PCDHA3: variants seen among roughly 807,000 people sequenced by gnomAD.
PCDHA3 encodes the protein protocadherin alpha-3.
Under a neutral mutation model 62.2 loss-of-function variants are expected in PCDHA3, and 41 were observed. The observed-to-expected ratio is 0.66, with a 90% CI of 0.51 to 0.86. PCDHA3 has a LOEUF of 0.86. Among genes scored for constraint, PCDHA3 ranks in the 40% least tolerant of loss-of-function variants. PCDHA3 has a pLI of 0.00. For missense variants in PCDHA3, 1,304 were observed against 1,241.2 expected (o/e 1.05, Z -0.76); for synonymous variants, 640 against 555.4 (o/e 1.15, Z -2.14).
At chr5:140,803,625 CTTTG>C in intron 1 of PCDHA3, 34 bp downstream of exon 1, 5 of 1,613,858 alleles carry the variant, frequency 3.1e-6, no homozygotes, top group Non-Finnish European at 4.2e-6. Flanking sequence ...TCCAAAATGT[CTTTG>C]TTTTTCATTC....
At position 140,854,083 on chromosome 5, in the gene PCDHA3, G is replaced by T. The variant is rs545797216; in HGVS notation, c.2394+50492G>T. 8.5e-5 allele frequency: 23 copies of T among 269,910 alleles called. No individual in the cohort carries two copies. The East Asian group carries it at 3.2e-3, about 37-fold the overall frequency. The allele number at this position is 269,910 out of a possible 1,614,324, so 16.7% of individuals were successfully genotyped here. ...AGGCTGAGGCGAGAGAATCGCTTGA[G>T]CCTGGGACATTGAGGCTGCAGTGAA... On this transcript the variant is annotated intron_variant, in intron 1 of 3. Transcript: ENST00000522353.
chr5:140,957,763 T>C (rs1375605810), intron 1 of PCDHA3, among the ~76,000 whole-genome samples: 1 of 152,100 alleles, frequency 6.6e-6, no homozygotes, highest in Non-Finnish European at 1.5e-5. Context: ...TCATTATATA[T>C]GTTAAGTAAA....
chr5:140,921,002 C>T (rs909094860), intron 1 of PCDHA3, among the ~76,000 whole-genome samples: 4 of 151,934 alleles, frequency 2.6e-5, no homozygotes, highest in Admixed American at 6.6e-5. Context: ...TTTTCAGAGT[C>T]AGGGTCTTGC....
At chr5:140,937,378 G>A (rs1248709474) in intron 1 of PCDHA3, among the ~76,000 whole-genome samples, 2 of 152,248 alleles carry the variant, frequency 1.3e-5, no homozygotes, top group East Asian at 1.9e-4. Context: ...GTTTATGTGT[G>A]TGTATGTGTA....
chr5:140,822,701 A>G, intron 1 of PCDHA3: 6 of 1,610,678 alleles, frequency 3.7e-6, no homozygotes, highest in Non-Finnish European at 5.1e-6. Flanking sequence ...GAACTGGATT[A>G]TGAAGACTAT....
intron 1 of PCDHA3, among the ~76,000 whole-genome samples, chr5:140,920,560 C>T (rs1288031450): frequency 1.3e-5 from 2 of 152,168 alleles, no homozygotes; most frequent in Non-Finnish European, 2.9e-5. Flanking sequence ...AAGTGTGGCC[C>T]TTAGGCCAGG....
intron 1 of PCDHA3, among the ~76,000 whole-genome samples, chr5:140,976,481 G>A (rs549195125): frequency 6.6e-6 from 1 of 152,160 alleles, no homozygotes; most frequent in South Asian, 2.1e-4. Flanking sequence ...AATCCGGGAG[G>A]CAGAGGTTGC....
At chr5:140,884,046 A>G (rs781965939) in intron 1 of PCDHA3, 6 of 1,613,474 alleles carry the variant, frequency 3.7e-6, no homozygotes, top group Non-Finnish European at 5.1e-6. Flanking sequence ...GTGGTGGCGA[A>G]GGTGCGCGCG....
intron 1 of PCDHA3, among the ~76,000 whole-genome samples, chr5:140,892,977 G>A (rs188368199): frequency 1.8e-4 from 27 of 152,270 alleles, no homozygotes; most frequent in Admixed American, 6.5e-4. Flanking sequence ...TTTTGTAGCT[G>A]CCGTATAAGT....
In PCDHA3 at chr5:140,857,043, A is replaced by T. The variant is rs201811819; in HGVS notation, c.2394+53452A>T. Reference sequence around the variant, plus strand: ...AAGGGAAACCCACCTATGGTTGGTCACTGCACGGTCCTAGTGGAACTACTG... The same window carrying T: ...AAGGGAAACCCACCTATGGTTGGTCTCTGCACGGTCCTAGTGGAACTACTG... On this transcript the variant is annotated intron_variant, in intron 1 of 3. Transcript: ENST00000522353. 81 of 1,595,818 alleles carry T rather than the reference A, an allele frequency of 5.1e-5. 4 individuals carry two copies. The highest frequency in any genetic ancestry group is 1.5e-5 in the Non-Finnish European group (18 of 1,165,582).
chr5:140,851,332 C>T (rs2042029710), intron 1 of PCDHA3: 1 of 971,624 alleles, frequency 1.0e-6, no homozygotes, highest in Non-Finnish European at 1.3e-6. Context: ...GTTTGTAGTT[C>T]TCTACATTTC....
At chr5:140,876,705 C>A (rs369536692) in intron 1 of PCDHA3, 2 of 1,614,122 alleles carry the variant, frequency 1.2e-6, no homozygotes, top group Non-Finnish European at 1.7e-6. Context: ...TGCTGGACAG[C>A]GCCCTGGACC....
chr5:140,877,815 A>T (rs782076422), intron 1 of PCDHA3: 21 of 1,609,380 alleles, frequency 1.3e-5, no homozygotes, highest in Non-Finnish European at 1.7e-5. Context: ...TGTCTCGAGA[A>T]GATTGTTTAA....
intron 1 of PCDHA3, among the ~76,000 whole-genome samples, chr5:140,973,960 T>C (rs2096609185): frequency 6.6e-6 from 1 of 152,248 alleles, no homozygotes; most frequent in African/African-American, 2.4e-5. Flanking sequence ...TTTACAGGTG[T>C]CTTTAAATGT....
intron 1 of PCDHA3, among the ~76,000 whole-genome samples, chr5:140,914,220 C>A (rs1210445622): frequency 6.6e-6 from 1 of 152,212 alleles, no homozygotes; most frequent in South Asian, 2.1e-4. Flanking sequence ...TCTCTTTTAG[C>A]TCTAATACTA....
intron 1 of PCDHA3, among the ~76,000 whole-genome samples, chr5:140,962,103 T>C (rs1401131367): frequency 1.3e-5 from 2 of 152,020 alleles, no homozygotes; most frequent in African/African-American, 4.8e-5. Flanking sequence ...GCCAGGATGG[T>C]CTCGATCTCC....
chr5:140,912,322 G>A (rs1050946341), intron 1 of PCDHA3, among the ~76,000 whole-genome samples: 10 of 149,938 alleles, frequency 6.7e-5, no homozygotes, highest in African/African-American at 1.7e-4. Flanking sequence ...TTGACCCTCA[G>A]TATTAACCAG....
At chr5:140,822,892 G>T (rs2150120154) in intron 1 of PCDHA3, 2 of 1,614,212 alleles carry the variant, frequency 1.2e-6, no homozygotes, top group East Asian at 4.5e-5. Flanking sequence ...TCTGATCAGC[G>T]TGTCTGACCG....
chr5:140,807,373 C>T (rs781951265), intron 1 of PCDHA3: 3 of 1,607,262 alleles, frequency 1.9e-6, no homozygotes, highest in Non-Finnish European at 2.5e-6. Context: ...TGGTGCCGCG[C>T]CTGTTCCGGG....
Sources: gnomAD v4.1 joint callset for allele counts (sites outside exome capture counted in the v4.1 genomes callset) on GRCh38, gnomAD v4.1.1 for gene constraint, MANE v1.5 for transcripts, NCBI Gene and HGNC (gene_info 2026-07-23, HGNC 2026-07-21) for gene names.